JAKMIP3: variants seen among roughly 807,000 people sequenced by gnomAD.
The protein encoded by JAKMIP3 is Janus kinase and microtubule interacting protein 3.
A neutral mutation model predicts 118.5 loss-of-function variants in JAKMIP3; 58 were observed. The observed-to-expected ratio is 0.49, with a 90% CI of 0.40 to 0.61. The LOEUF (loss-of-function observed/expected upper bound fraction) is 0.61. JAKMIP3 is among the 20% of genes least tolerant of loss of function. The pLI is 0.00. For missense variants in JAKMIP3, 950 were observed against 1,109.0 expected, an observed-to-expected ratio of 0.86 and a Z score of 2.04; for synonymous variants, 486 against 451.2, an observed-to-expected ratio of 1.08 and a Z score of -0.98.
chr10:132,183,632 T>C lies in JAKMIP3; in HGVS notation c.*2379T>C, dbSNP rs576317834. 2.6e-5 allele frequency: 4 copies of C among 152,368 alleles called. No individual in the cohort carries two copies. The highest frequency in any genetic ancestry group is 7.2e-5 in the African/African-American group (3 of 41,592). The allele number at this position is 152,368 out of a possible 1,614,324, so 9.4% of individuals were successfully genotyped here. ...ACGGGAGAAGGTGCAAGGAATGTGC[T>C]GAATAACATCCAAACTGCATCGCGT... On this transcript the variant is annotated 3_prime_UTR_variant, in exon 24 of 24. Coordinates refer to ENST00000684848, the MANE Select transcript of JAKMIP3 (RefSeq NM_001323087.2).
chr10:132,107,481 T>C (rs1589827777), intron 2 of JAKMIP3, among the ~76,000 whole-genome samples: 2 of 152,228 alleles, frequency 1.3e-5, no homozygotes, highest in East Asian at 3.9e-4. Context: ...GGAGAGGATG[T>C]GCTCTCTTGG....
At position 132,093,305 on chromosome 10, in the gene JAKMIP3, C is replaced by T. The variant is rs2043344977; in HGVS notation, c.-137-11367C>T. Among the ~76,000 whole-genome samples, 4 of 152,184 alleles carry T rather than the reference C, an allele frequency of 2.6e-5. No homozygotes were observed. In the South Asian group the frequency reaches 6.2e-4, roughly 24 times the overall value. ...CTACTAACTTCAAAGCTGTCAGGGA[C>T]GTTTAAGTCTGCAGAGGTTTCTGCT... On this transcript the variant is annotated intron_variant, in intron 1 of 23. Coordinates refer to ENST00000684848, the MANE Select transcript of JAKMIP3 (RefSeq NM_001323087.2).
chr10:132,091,061 T>G (rs1039135600), intron 1 of JAKMIP3, among the ~76,000 whole-genome samples: 5 of 152,266 alleles, frequency 3.3e-5, no homozygotes, highest in Middle Eastern at 3.2e-3. Context: ...AGGAGCGGGT[T>G]GTTCAGTTTC....
intron 1 of JAKMIP3, among the ~76,000 whole-genome samples, chr10:132,038,147 T>C (rs1229181173): frequency 6.6e-6 from 1 of 152,214 alleles, no homozygotes; most frequent in Non-Finnish European, 1.5e-5. Context: ...ATATTGAAAA[T>C]AGCTGCCCAG....
At chr10:132,098,225 T>C (rs1040319032) in intron 1 of JAKMIP3, among the ~76,000 whole-genome samples, 1 of 151,736 alleles carries the variant, frequency 6.6e-6, no homozygotes, top group Non-Finnish European at 1.5e-5. Context: ...GGTCTCCCTC[T>C]GTTGCCCAGG....
upstream of JAKMIP3, among the ~76,000 whole-genome samples, chr10:132,064,555 G>A (rs2038557509): frequency 6.6e-6 from 1 of 152,216 alleles, no homozygotes; most frequent in Admixed American, 6.5e-5. The surrounding 1 kb of genome is among the most constrained non-coding windows in gnomAD (Gnocchi z 4.4). Flanking sequence ...ATGTGATTGT[G>A]GGGCAGCCGC....
At chr10:132,136,942 A>G (rs1013108691) in intron 6 of JAKMIP3, 77 bp from the exon 7 acceptor site, 2 of 1,497,794 alleles carry the variant, frequency 1.3e-6, no homozygotes, top group African/African-American at 1.4e-5. Context: ...GAGGGAGAAG[A>G]CCCCCCCGCC....
At chr10:132,122,887 G>A (rs1183749351) in intron 3 of JAKMIP3, among the ~76,000 whole-genome samples, 2 of 152,188 alleles carry the variant, frequency 1.3e-5, no homozygotes, top group African/African-American at 2.4e-5. Context: ...GCTTTGCCCT[G>A]TACGTGTCAG....
intron 19 of JAKMIP3, among the ~76,000 whole-genome samples, chr10:132,159,794 T>TGCA (rs1231644287): frequency 7.3e-5 from 2 of 27,318 alleles, no homozygotes; most frequent in Non-Finnish European, 1.3e-4. Flanking sequence ...TGTGTGATGC[T>TGCA]GGGGGGCCTC....
In JAKMIP3 at chr10:132,133,547, A is replaced by G; in HGVS notation, c.849+20A>G. On this transcript the variant is annotated intron_variant, in intron 4 of 23. Transcript: ENST00000684848. ...AGCCCTGTAAGCACCTCCCAGGCCCACCGGCCCACCCCGTGTCACAGACAG... is the reference window on the plus strand; with the variant it reads ...AGCCCTGTAAGCACCTCCCAGGCCCGCCGGCCCACCCCGTGTCACAGACAG... 6.5e-7 allele frequency: 1 copy of G among 1,546,518 alleles called. No homozygotes were observed. Among genetic ancestry groups the G allele is most frequent in the Admixed American group, 2.0e-5 (1 of 51,216 alleles).
At chr10:132,087,963 T>C (rs1464069637) in intron 1 of JAKMIP3, among the ~76,000 whole-genome samples, 3 of 152,126 alleles carry the variant, frequency 2.0e-5, no homozygotes, top group Non-Finnish European at 2.9e-5. Flanking sequence ...CAGTGTTTAG[T>C]TTTTTGTCCT....
intron 1 of JAKMIP3, among the ~76,000 whole-genome samples, chr10:132,045,661 G>T (rs2037885760): frequency 6.6e-6 from 1 of 152,152 alleles, no homozygotes; most frequent in Non-Finnish European, 1.5e-5. Flanking sequence ...GGACACAGTG[G>T]CTCATGCCTA....
Position 132,044,874 on chromosome 10 carries a change from A to G in JAKMIP3, c.-138+8136A>G, listed in dbSNP as rs981655429. The stretch of plus-strand genomic sequence containing the variant: ...GGCCTCAGCTGAGTAGAATCATGGT[A>G]TTTGTGCGTGTGTGTGACTGGCGTG... On this transcript the variant is annotated intron_variant, in intron 1 of 23. Coordinates refer to the JAKMIP3 transcript ENST00000657785. This position sits in a 1 kb window ranked among gnomAD's most constrained non-coding sequence, Gnocchi z 5.3. Among the ~76,000 whole-genome samples the G allele has an allele frequency of 6.6e-6, 1 of 151,086 alleles. No homozygotes were observed. Among genetic ancestry groups the G allele is most frequent in the Non-Finnish European group, 1.5e-5 (1 of 67,856 alleles).
chr10:132,163,512 C>A, intron 20 of JAKMIP3, 100 bp downstream of exon 20: 1 of 1,060,028 alleles, frequency 9.4e-7, no homozygotes, highest in Non-Finnish European at 1.4e-6. Flanking sequence ...ACCACTACCC[C>A]TCTGTGGCCC....
At chr10:132,122,269 C>T (rs1050515382) in intron 3 of JAKMIP3, among the ~76,000 whole-genome samples, 5 of 152,100 alleles carry the variant, frequency 3.3e-5, no homozygotes, top group African/African-American at 1.2e-4. Flanking sequence ...CGGTCGGCTC[C>T]CCGGCTGTTG....
intron 23 of JAKMIP3, among the ~76,000 whole-genome samples, chr10:132,180,494 T>C (rs1030570791): frequency 6.7e-6 from 1 of 150,094 alleles, no homozygotes; most frequent in Non-Finnish European, 1.5e-5. Flanking sequence ...CGGGAGGGAT[T>C]TGGGAAGACT....
intron 2 of JAKMIP3, among the ~76,000 whole-genome samples, chr10:132,107,380 C>T (rs2046075537): frequency 6.6e-6 from 1 of 152,196 alleles, no homozygotes; most frequent in Non-Finnish European, 1.5e-5. Flanking sequence ...TGCGGGCTCC[C>T]CAGGTGCCGG....
chr10:132,040,282 G>A (rs575114618), intron 1 of JAKMIP3, among the ~76,000 whole-genome samples: 64 of 152,278 alleles, frequency 4.2e-4, no homozygotes, highest in Non-Finnish European at 8.2e-4. Context: ...GAACCAAACC[G>A]GCCGGCTCCT....
chr10:132,126,992 A>G (rs1256594125), intron 3 of JAKMIP3, among the ~76,000 whole-genome samples: 2 of 152,128 alleles, frequency 1.3e-5, no homozygotes, highest in South Asian at 2.1e-4. Context: ...TATTCTCTCA[A>G]TGAGTTTGTT....
Sources: allele counts gnomAD v4.1 joint callset (sites outside exome capture counted in the v4.1 genomes callset), GRCh38; gene constraint gnomAD v4.1.1; non-coding constraint Gnocchi (gnomAD v3.1); transcripts MANE v1.5; gene names NCBI Gene and HGNC (gene_info 2026-07-23, HGNC 2026-07-21).